Variants in NR5A2 observed in about 807,000 individuals in gnomAD.
The protein encoded by NR5A2 is CYP7A promoter-binding factor.
Under a neutral mutation model 62.7 loss-of-function variants are expected in NR5A2, and 26 were observed. The observed-to-expected ratio is 0.41, with a 90% CI of 0.30 to 0.58. The LOEUF (loss-of-function observed/expected upper bound fraction) is 0.58. Among genes scored for constraint, NR5A2 ranks in the 20% least tolerant of loss-of-function variants. The pLI, the probability that NR5A2 is intolerant of heterozygous loss-of-function variation, is 0.22. For synonymous variants in NR5A2, 246 were observed against 241.7 expected (o/e 1.02, Z -0.16); for missense variants, 541 against 669.1 (o/e 0.81, Z 2.11).
intron 5 of NR5A2, among the ~76,000 whole-genome samples, chr1:200,098,400 A>G (rs181172710): frequency 2.8e-4 from 43 of 151,056 alleles, no homozygotes; most frequent in African/African-American, 9.3e-4. Context: ...TACATTTGAA[A>G]TAGAGAAATC....
At chr1:200,080,517 A>T (rs1664243530) in intron 5 of NR5A2, among the ~76,000 whole-genome samples, 1 of 152,196 alleles carries the variant, frequency 6.6e-6, no homozygotes, top group Non-Finnish European at 1.5e-5. Flanking sequence ...TTTTATGGCA[A>T]GCATTAAGGA....
At chr1:200,087,896 C>A (rs1303102311) in intron 5 of NR5A2, among the ~76,000 whole-genome samples, 1 of 151,924 alleles carries the variant, frequency 6.6e-6, no homozygotes, top group Non-Finnish European at 1.5e-5. Context: ...GGACTACAGG[C>A]ACCCACCATC....
At chr1:200,115,946 A>G (rs1666197376) in intron 6 of NR5A2, among the ~76,000 whole-genome samples, 1 of 151,858 alleles carries the variant, frequency 6.6e-6, no homozygotes, top group South Asian at 2.1e-4. Flanking sequence ...AACTTTAACT[A>G]AACTCGCCAC....
At chr1:200,155,415 T>C (rs939703493) in intron 7 of NR5A2, among the ~76,000 whole-genome samples, 1 of 152,210 alleles carries the variant, frequency 6.6e-6, no homozygotes, top group Non-Finnish European at 1.5e-5. Flanking sequence ...TACAGTAGAC[T>C]TGGAGAAAGA....
chr1:200,139,236 C>T (rs1667350641), intron 7 of NR5A2, among the ~76,000 whole-genome samples: 1 of 152,146 alleles, frequency 6.6e-6, no homozygotes, highest in South Asian at 2.1e-4. Context: ...TTTTATTTAA[C>T]AAATCTACTA....
chr1:200,163,766 C>T (rs1257191479), intron 7 of NR5A2, among the ~76,000 whole-genome samples: 1 of 152,160 alleles, frequency 6.6e-6, no homozygotes, highest in African/African-American at 2.4e-5. Context: ...AAGCGTGAGC[C>T]ACTGCACCCA....
chr1:200,042,706 G>C (rs1662165317), intron 2 of NR5A2: 1 of 608,008 alleles, frequency 1.6e-6, no homozygotes. Context: ...GCGCAGACCT[G>C]CGGGTGCCCG....
intron 7 of NR5A2, among the ~76,000 whole-genome samples, chr1:200,127,739 A>C (rs1666791121): frequency 8.7e-6 from 1 of 114,880 alleles, no homozygotes; most frequent in Admixed American, 9.5e-5. Flanking sequence ...TATGGTATCC[A>C]TCAGATGCAA....
intron 5 of NR5A2, among the ~76,000 whole-genome samples, chr1:200,051,010 C>T (rs1000601712): frequency 6.6e-6 from 1 of 152,106 alleles, no homozygotes; most frequent in African/African-American, 2.4e-5. Context: ...CTTAGTTTAA[C>T]ATTGGCAAAA....
chr1:200,147,988 C>T lies in NR5A2; in HGVS notation c.1379-25975C>T. 3.2e-6 allele frequency: 1 copy of T among 309,476 alleles called. No individual in the cohort carries two copies. The highest frequency in any genetic ancestry group is 6.1e-6 in the Non-Finnish European group (1 of 162,624). The allele number at this position is 309,476 out of a possible 1,614,324, so 19.2% of individuals were successfully genotyped here. On this transcript the variant is annotated intron_variant, in intron 7 of 7. Coordinates refer to ENST00000367362, the MANE Select transcript of NR5A2 (RefSeq NM_205860.3). The surrounding 1 kb of genome is among the most constrained non-coding windows in gnomAD (Gnocchi z 4.9). Reference sequence around the variant, plus strand: ...ATGCATCGGGCGGCCGCCTTGACCTCCTCCCGCGAGCCGAAAACGCCCAGT... The same window carrying T: ...ATGCATCGGGCGGCCGCCTTGACCTTCTCCCGCGAGCCGAAAACGCCCAGT...
intron 5 of NR5A2, among the ~76,000 whole-genome samples, chr1:200,085,721 A>G (rs1337439153): frequency 6.6e-6 from 1 of 152,074 alleles, no homozygotes; most frequent in Admixed American, 6.6e-5. Flanking sequence ...AGAGGGGGAT[A>G]CACATGTACA....
In NR5A2 at chr1:200,048,959, A is replaced by G; in HGVS notation, c.1110+141A>G. On this transcript the variant is annotated intron_variant, in intron 5 of 7. Transcript: ENST00000367362. This position sits in a 1 kb window ranked among gnomAD's most constrained non-coding sequence, Gnocchi z 4.8. ...TGATTTACAGAGTAGACGTAATTTT[A>G]TTACCTTGACTTCAGGACTGTGGCA... 1 of 1,101,802 alleles carries G rather than the reference A, an allele frequency of 9.1e-7. No individual in the cohort carries two copies. The highest frequency in any genetic ancestry group is 1.3e-6 in the Non-Finnish European group (1 of 778,610). The allele number at this position is 1,101,802 out of a possible 1,614,324, so 68.3% of individuals were successfully genotyped here.
At chr1:200,166,000 T>G (rs1653882639) in intron 7 of NR5A2, among the ~76,000 whole-genome samples, 1 of 152,256 alleles carries the variant, frequency 6.6e-6, no homozygotes. Flanking sequence ...TTCTATTTTC[T>G]GTGCCTAACA....
At chr1:200,154,938 G>C (rs1306266062) in intron 7 of NR5A2, among the ~76,000 whole-genome samples, 3 of 152,136 alleles carry the variant, frequency 2.0e-5, no homozygotes, top group South Asian at 2.1e-4. Flanking sequence ...AGGTTTCTAC[G>C]CATTCCAGCC....
At chr1:200,097,216 TTTC>T (rs1435782766) in intron 5 of NR5A2, among the ~76,000 whole-genome samples, 5 of 152,242 alleles carry the variant, frequency 3.3e-5, no homozygotes, top group African/African-American at 1.2e-4. Flanking sequence ...TTGGGTATTA[TTTC>T]TTTTTTTAAA....
intron 1 of NR5A2, among the ~76,000 whole-genome samples, chr1:200,029,993 G>A (rs11579717): frequency 0.036 from 5,492 of 152,304 alleles, 115 homozygotes; most frequent in Non-Finnish European, 0.051. Context: ...ACAGAGGGCG[G>A]TGAGGAGCCT....
intron 7 of NR5A2, among the ~76,000 whole-genome samples, chr1:200,124,744 G>A (rs1666629340): frequency 6.6e-6 from 1 of 152,068 alleles, no homozygotes; most frequent in Admixed American, 6.6e-5. Flanking sequence ...TTTGAGACCA[G>A]CCTGGGCAAC....
rs368332488 is a variant in NR5A2 at position 200,048,717 on chromosome 1, G to A, written c.1009G>A (p.Glu337Lys). 2.5e-6 allele frequency: 4 copies of A among 1,614,192 alleles called. No homozygotes were observed. The highest frequency in any genetic ancestry group is 1.7e-5 in the Admixed American group (1 of 60,020). Residue 337 changes from glutamate (E) to lysine (K), a missense_variant, in exon 5 of 8, where the codon GAA (glutamate) becomes AAA (lysine). Physicochemically the swap from Glu to Lys is moderately conservative, Grantham distance 56. Coordinates refer to ENST00000367362, the MANE Select transcript of NR5A2 (RefSeq NM_205860.3). The surrounding 1 kb of genome is among the most constrained non-coding windows in gnomAD (Gnocchi z 4.8). ...AGAGCAGGCTAACCGAAGCAAGCAC[G>A]AAAAGCTGAGCACCTTTGGGCTTAT... is the stretch of plus-strand genomic sequence containing the variant. ...QQEQANRSKH[E>K]KLSTFGLMCK...
chr1:200,074,320 C>T (rs1262536494), intron 5 of NR5A2, among the ~76,000 whole-genome samples: 1 of 150,112 alleles, frequency 6.7e-6, no homozygotes, highest in East Asian at 2.0e-4. Flanking sequence ...CAGTGGCTCA[C>T]ACCTGAAATC....
Sources: allele counts gnomAD v4.1 joint callset (sites outside exome capture counted in the v4.1 genomes callset), GRCh38; gene constraint gnomAD v4.1.1; non-coding constraint Gnocchi (gnomAD v3.1); transcripts MANE v1.5; gene names NCBI Gene and HGNC (gene_info 2026-07-23, HGNC 2026-07-21).